The following CHST9 variants were observed in gnomAD, a reference collection of about 807,000 sequenced individuals.
The protein encoded by CHST9 is carbohydrate sulfotransferase 9.
Under a neutral mutation model 44.4 loss-of-function variants are expected in CHST9, and 41 were observed. The ratio of observed to expected loss-of-function variants is 0.92; its 90% CI spans 0.72 to 1.20. CHST9 has a LOEUF of 1.20. Among genes scored for constraint, CHST9 ranks in the 50% most tolerant of loss-of-function variants. CHST9 has a pLI of 0.00. For synonymous variants in CHST9, 171 were observed against 178.4 expected (o/e 0.96, Z 0.33); for missense variants, 504 against 516.5 (o/e 0.98, Z 0.23).
chr18:26,997,665 G>T (rs575598633), intron 4 of CHST9, among the ~76,000 whole-genome samples: 1 of 152,170 alleles, frequency 6.6e-6, no homozygotes, highest in Non-Finnish European at 1.5e-5. Flanking sequence ...GCCATTCCAC[G>T]ACATCACCCT....
chr18:26,967,063 C>T (rs16943089), intron 4 of CHST9, among the ~76,000 whole-genome samples: 40,979 of 151,790 alleles, frequency 0.27, 6,187 homozygotes, highest in African/African-American at 0.41. Flanking sequence ...GACTGAAACA[C>T]TGAGGGCTTT....
chr18:27,020,754 A>G (rs2143450005), intron 4 of CHST9, among the ~76,000 whole-genome samples: 1 of 152,344 alleles, frequency 6.6e-6, no homozygotes, highest in South Asian at 2.1e-4. Context: ...GCCATTTGGC[A>G]AATTGAGGAC....
intron 2 of CHST9, among the ~76,000 whole-genome samples, chr18:27,066,905 ATCTTTG>A: frequency 6.6e-6 from 1 of 152,212 alleles, no homozygotes. Context: ...TTCAGTAAAT[ATCTTTG>A]TCTTACTAGT....
chr18:26,976,013 T>A (rs1180335726), intron 4 of CHST9, among the ~76,000 whole-genome samples: 1 of 151,514 alleles, frequency 6.6e-6, no homozygotes, highest in East Asian at 2.0e-4. Context: ...GCCCGAGCAA[T>A]CTTCTCATGG....
intron 4 of CHST9, among the ~76,000 whole-genome samples, chr18:27,013,104 C>A (rs1005142264): frequency 6.6e-6 from 1 of 152,152 alleles, no homozygotes; most frequent in Non-Finnish European, 1.5e-5. Flanking sequence ...CAAACTCTGT[C>A]ATTTATGAAA....
At position 27,092,504 on chromosome 18, in the gene CHST9, C is replaced by T. The variant is rs139622904; in HGVS notation, c.122-44001G>A. On this transcript the variant is annotated intron_variant, in intron 2 of 5. Coordinates refer to ENST00000618847, the MANE Select transcript of CHST9 (RefSeq NM_031422.6). ...TTCTGCTAGCTTTTGAATGTGTTTGCGCTTGCTTCTCTAGTTCTTTTAATT... is the reference window on the plus strand; with the variant it reads ...TTCTGCTAGCTTTTGAATGTGTTTGTGCTTGCTTCTCTAGTTCTTTTAATT... Among the ~76,000 whole-genome samples the T allele has an allele frequency of 8.4e-3, 1,283 of 152,012 alleles. 12 individuals are homozygous for T. The highest frequency in any genetic ancestry group is 0.028 in the African/African-American group (1,180 of 41,440).
chr18:27,150,102 ATT>A (rs200943870), intron 1 of CHST9, among the ~76,000 whole-genome samples: 15 of 143,656 alleles, frequency 1.0e-4, no homozygotes, highest in African/African-American at 2.5e-4. Context: ...AGGCTTTTTG[ATT>A]TTTTTTTTTT....
intron 2 of CHST9, among the ~76,000 whole-genome samples, chr18:27,053,830 C>T (rs773372002): frequency 2.0e-5 from 3 of 152,174 alleles, no homozygotes; most frequent in Non-Finnish European, 2.9e-5. Context: ...TCCTGCCTAT[C>T]AAAACCCTAT....
chr18:27,066,245 C>G (rs1414734359), intron 2 of CHST9, among the ~76,000 whole-genome samples: 1 of 152,104 alleles, frequency 6.6e-6, no homozygotes, highest in South Asian at 2.1e-4. Flanking sequence ...AGCGAGAGGG[C>G]CAGCATTTGG....
chr18:27,118,392 T>G (rs1371039692), intron 2 of CHST9, among the ~76,000 whole-genome samples: 1 of 127,590 alleles, frequency 7.8e-6, no homozygotes, highest in Non-Finnish European at 1.7e-5. Flanking sequence ...TTAATTTTAA[T>G]GAAGTCCAGC....
chr18:26,914,931 A>G lies in CHST9; in HGVS notation c.*1328T>C, dbSNP rs1239286382. The G allele has an allele frequency of 5.0e-6, 2 of 397,922 alleles. No individual in the cohort carries two copies. Among genetic ancestry groups the G allele is most frequent in the Non-Finnish European group, 4.4e-6 (1 of 225,698 alleles). The allele number at this position is 397,922 out of a possible 1,614,324, so 24.6% of individuals were successfully genotyped here. A position where few individuals can be genotyped will look rare whatever the true frequency, so the allele number is the denominator to read the frequency against. ...AACTCGGGGTAAAAGTCGACCAATT[A>G]AAGTAGGTTTCCCATCCAAATGTTT... On this transcript the variant is annotated 3_prime_UTR_variant, in exon 6 of 6. Transcript: ENST00000618847.
At chr18:27,052,069 CAAAT>C (rs2143573961) in intron 2 of CHST9, among the ~76,000 whole-genome samples, 1 of 152,050 alleles carries the variant, frequency 6.6e-6, no homozygotes, top group South Asian at 2.1e-4. Flanking sequence ...ATGAATACCT[CAAAT>C]AATTTTTTTT....
At chr18:27,057,018 C>T (rs1413108918) in intron 2 of CHST9, among the ~76,000 whole-genome samples, 1 of 152,116 alleles carries the variant, frequency 6.6e-6, no homozygotes, top group Non-Finnish European at 1.5e-5. Context: ...GGCTTAAATT[C>T]CTATTCACAT....
intron 2 of CHST9, among the ~76,000 whole-genome samples, chr18:27,094,506 AT>A (rs2058098286): frequency 6.6e-6 from 1 of 152,214 alleles, no homozygotes; most frequent in African/African-American, 2.4e-5. Flanking sequence ...TGTTAAAGAG[AT>A]TTAGCAATTT....
chr18:27,118,290 C>T (rs2058346081), intron 2 of CHST9, among the ~76,000 whole-genome samples: 1 of 152,088 alleles, frequency 6.6e-6, no homozygotes, highest in South Asian at 2.1e-4. Context: ...TTTTGGATAA[C>T]AGTCTTATAT....
chr18:26,960,364 G>C (rs922596314), intron 4 of CHST9, among the ~76,000 whole-genome samples: 7 of 152,192 alleles, frequency 4.6e-5, no homozygotes, highest in Non-Finnish European at 1.0e-4. Context: ...CATCCATAGT[G>C]AATAAGAAGA....
At chr18:27,101,647 A>T (rs898988999) in intron 2 of CHST9, among the ~76,000 whole-genome samples, 114 of 67,252 alleles carry the variant, frequency 1.7e-3, no homozygotes, top group Non-Finnish European at 1.8e-3. Context: ...TAAAAAAATT[A>T]AAAAAAATCT....
chr18:27,160,670 G>C (rs141905544), intron 1 of CHST9, among the ~76,000 whole-genome samples: 1 of 152,160 alleles, frequency 6.6e-6, no homozygotes, highest in East Asian at 1.9e-4. Flanking sequence ...GATTGGAATA[G>C]TTTCAGAAGG....
intron 3 of CHST9, among the ~76,000 whole-genome samples, chr18:27,030,699 C>T (rs908662993): frequency 2.0e-5 from 3 of 152,122 alleles, no homozygotes; most frequent in Non-Finnish European, 4.4e-5. Context: ...GAGTGAAAAT[C>T]GAATCATATT....
Sources: allele counts gnomAD v4.1 joint callset (sites outside exome capture counted in the v4.1 genomes callset), GRCh38; gene constraint gnomAD v4.1.1; transcripts MANE v1.5; gene names NCBI Gene and HGNC (gene_info 2026-07-23, HGNC 2026-07-21).